The following NBEA variants were observed in gnomAD, a reference collection of about 807,000 sequenced individuals.
The protein encoded by NBEA is lysosomal-trafficking regulator 2.
Under a neutral mutation model 343.4 loss-of-function variants are expected in NBEA, and 44 were observed. That is an observed-to-expected ratio of 0.13 (90% CI 0.10 to 0.16). NBEA has a LOEUF of 0.16. Among genes scored for constraint, NBEA ranks in the 10% least tolerant of loss-of-function variants. The pLI is 1.00. For synonymous variants in NBEA, 1,175 were observed against 1,238.7 expected (o/e 0.95, Z 1.08); for missense variants, 2,555 against 3,631.3 (o/e 0.70, Z 7.62).
intron 39 of NBEA, among the ~76,000 whole-genome samples, chr13:35,450,788 CA>C (rs1566151435): frequency 6.6e-6 from 1 of 152,150 alleles, no homozygotes; most frequent in East Asian, 1.9e-4. Flanking sequence ...TATCCTAATA[CA>C]GAACACAGTA....
intron 25 of NBEA, among the ~76,000 whole-genome samples, chr13:35,170,232 G>A (rs1481405046): frequency 6.6e-6 from 1 of 151,694 alleles, no homozygotes; most frequent in Non-Finnish European, 1.5e-5. Flanking sequence ...TATAATGATG[G>A]CTATAAACAG....
chr13:35,593,127 A>G, intron 46 of NBEA: 1 of 433,386 alleles, frequency 2.3e-6, no homozygotes, highest in Non-Finnish European at 4.1e-6. Flanking sequence ...ATGACCTGCC[A>G]GAGTTGCAGA....
chr13:35,285,957 C>T (rs2035396340), intron 34 of NBEA, among the ~76,000 whole-genome samples: 1 of 152,136 alleles, frequency 6.6e-6, no homozygotes, highest in Non-Finnish European at 1.5e-5. Context: ...CTTTATACCT[C>T]AGACATTTCT....
intron 35 of NBEA, 82 bp downstream of exon 35, chr13:35,290,532 T>C (rs1032329817): frequency 1.1e-5 from 10 of 882,648 alleles, no homozygotes; most frequent in African/African-American, 3.4e-5. Flanking sequence ...CATATATATG[T>C]GTATGTTTAT....
At chr13:35,000,918 G>A (rs2061113058) in intron 1 of NBEA, among the ~76,000 whole-genome samples, 1 of 151,738 alleles carries the variant, frequency 6.6e-6, no homozygotes, top group African/African-American at 2.4e-5. Context: ...AAAAGAAAAA[G>A]CCTTGAGAAA....
intron 1 of NBEA, among the ~76,000 whole-genome samples, chr13:34,957,775 CAT>C (rs1366859206): frequency 1.3e-5 from 2 of 152,114 alleles, no homozygotes; most frequent in Non-Finnish European, 2.9e-5. Flanking sequence ...TAAGAAACAA[CAT>C]AAATTTATTA....
At chr13:35,195,307 GT>G (rs931571453) in intron 30 of NBEA, among the ~76,000 whole-genome samples, 9 of 152,008 alleles carry the variant, frequency 5.9e-5, no homozygotes, top group Admixed American at 2.6e-4. Flanking sequence ...GAAGGCATCA[GT>G]TTTGAAATGC....
At chr13:35,492,148 G>A (rs964420672) in intron 41 of NBEA, among the ~76,000 whole-genome samples, 1 of 151,902 alleles carries the variant, frequency 6.6e-6, no homozygotes, top group Admixed American at 6.6e-5. Flanking sequence ...AAGCTTTGAG[G>A]ATGCAAAGGC....
chr13:35,190,753 T>A (rs150167216), intron 30 of NBEA, among the ~76,000 whole-genome samples: 83 of 152,228 alleles, frequency 5.5e-4, no homozygotes, highest in African/African-American at 2.0e-3. Flanking sequence ...TAGGAAAGTA[T>A]GGTCAATACA....
At chr13:35,624,728 T>C (rs983845315) in intron 48 of NBEA, among the ~76,000 whole-genome samples, 4 of 151,658 alleles carry the variant, frequency 2.6e-5, no homozygotes, top group African/African-American at 9.7e-5. Context: ...GATAGGTACA[T>C]AGAAGAGAGA....
At chr13:35,319,293 T>C (rs897145180) in intron 36 of NBEA, among the ~76,000 whole-genome samples, 2 of 152,202 alleles carry the variant, frequency 1.3e-5, no homozygotes, top group East Asian at 1.9e-4. Context: ...TTCTGGTACA[T>C]TGTGTCTTTG....
At chr13:35,335,715 C>T (rs1448842453) in intron 36 of NBEA, among the ~76,000 whole-genome samples, 2 of 151,936 alleles carry the variant, frequency 1.3e-5, no homozygotes, top group Non-Finnish European at 2.9e-5. Context: ...AATTAATTAA[C>T]ATCCTAGGAG....
At chr13:35,265,689 A>G (rs552377712) in intron 34 of NBEA, among the ~76,000 whole-genome samples, 2 of 151,986 alleles carry the variant, frequency 1.3e-5, no homozygotes, top group South Asian at 4.1e-4. Context: ...CTCATTTTAC[A>G]TCACACACAA....
chr13:35,442,587 G>A (rs920973362), intron 39 of NBEA, among the ~76,000 whole-genome samples: 5 of 152,074 alleles, frequency 3.3e-5, no homozygotes, highest in Non-Finnish European at 2.9e-5. Context: ...TACTTATATA[G>A]TGCTTCACTT....
rs1223354759 is a variant in NBEA at position 35,188,927 on chromosome 13, TG to T, written c.4927+4857del. Among the ~76,000 whole-genome samples, 724 of 148,496 alleles carry T rather than the reference TG, an allele frequency of 4.9e-3. 1 individual carries two copies. The highest frequency in any genetic ancestry group is 8.3e-3 in the Non-Finnish European group (556 of 67,028). On this transcript the variant is annotated intron_variant, in intron 30 of 58. Transcript: ENST00000379939. The stretch of plus-strand genomic sequence containing the variant: ...TTTTGTTTTTTTTTTTTTTTTTGGT[TG>T]TTTTTTTTTGAGATGGAGTCTCACT...
At chr13:35,134,728 G>A (rs1265664989) in intron 17 of NBEA, among the ~76,000 whole-genome samples, 35 of 151,942 alleles carry the variant, frequency 2.3e-4, no homozygotes, top group Middle Eastern at 3.4e-3. Context: ...AATTAGTAAG[G>A]GTGGAGGCTA....
At chr13:35,133,730 A>T (rs181355528) in intron 17 of NBEA, among the ~76,000 whole-genome samples, 1 of 152,184 alleles carries the variant, frequency 6.6e-6, no homozygotes, top group East Asian at 1.9e-4. Flanking sequence ...CAATTTCAAA[A>T]ATACGTGAAG....
intron 21 of NBEA, 141 bp from the exon 22 acceptor site, chr13:35,158,875 T>G: frequency 4.3e-6 from 3 of 690,134 alleles, no homozygotes; most frequent in Non-Finnish European, 6.9e-6. Context: ...AGCACTTGCT[T>G]TAGGACTAAC....
chr13:35,329,716 T>G (rs1298689156), intron 36 of NBEA, among the ~76,000 whole-genome samples: 1 of 152,008 alleles, frequency 6.6e-6, no homozygotes, highest in Non-Finnish European at 1.5e-5. Context: ...CATTTTGGGG[T>G]GAGGGAAGTG....
Sources: gnomAD v4.1 joint callset for allele counts (sites outside exome capture counted in the v4.1 genomes callset) on GRCh38, gnomAD v4.1.1 for gene constraint, MANE v1.5 for transcripts, NCBI Gene and HGNC (gene_info 2026-07-23, HGNC 2026-07-21) for gene names.